The following WFDC1 variants were observed in gnomAD, a reference collection of about 807,000 sequenced individuals.
WFDC1 encodes the protein WAP four-disulfide core domain 1, also known as WAP four-disulfide core domain protein 1.
A neutral mutation model predicts 32.9 loss-of-function variants in WFDC1; 39 were observed. That is an observed-to-expected ratio of 1.19 (90% CI 0.92 to 1.55). The LOEUF (loss-of-function observed/expected upper bound fraction) is 1.55, where lower values mean the gene tolerates loss of function less well. WFDC1 is among the 40% of genes most tolerant of loss of function. The pLI, the probability that WFDC1 is intolerant of heterozygous loss-of-function variation, is 0.00. For missense variants in WFDC1, 386 were observed against 309.5 expected (o/e 1.25, Z -1.85); for synonymous variants, 184 against 137.4 (o/e 1.34, Z -2.37).
At chr16:84,296,717 A>G (rs1210398434) in intron 1 of WFDC1, among the ~76,000 whole-genome samples, 1 of 152,152 alleles carries the variant, frequency 6.6e-6, no homozygotes, top group Non-Finnish European at 1.5e-5. Context: ...TGGAGAAGGG[A>G]AAGCTCATGT....
intron 1 of WFDC1, among the ~76,000 whole-genome samples, chr16:84,307,437 A>G (rs1262525507): frequency 6.6e-6 from 1 of 152,218 alleles, no homozygotes; most frequent in East Asian, 1.9e-4. Context: ...CACGCAGTAA[A>G]TAACTCGGGA....
At chr16:84,319,081 G>C (rs1389334285) in intron 3 of WFDC1, 8 of 338,174 alleles carry the variant, frequency 2.4e-5, no homozygotes, top group Middle Eastern at 1.6e-3. Context: ...CGTCTGACTT[G>C]CTTGTGTAAA....
intron 1 of WFDC1, among the ~76,000 whole-genome samples, chr16:84,299,256 C>T (rs774791427): frequency 8.6e-5 from 13 of 151,968 alleles, no homozygotes; most frequent in East Asian, 1.9e-4. Flanking sequence ...CCCAGCTACT[C>T]GGGAGGCTGA....
chr16:84,309,338 G>A (rs112972971), intron 1 of WFDC1, among the ~76,000 whole-genome samples: 11 of 152,278 alleles, frequency 7.2e-5, no homozygotes, highest in Admixed American at 3.3e-4. Flanking sequence ...ACTTTGTCCC[G>A]AGGGTGCTGG....
chr16:84,302,166 G>A (rs904025293), intron 1 of WFDC1, among the ~76,000 whole-genome samples: 2 of 152,132 alleles, frequency 1.3e-5, no homozygotes, highest in Non-Finnish European at 2.9e-5. Context: ...GGCAAATCCA[G>A]CGGGACGGGA....
At chr16:84,314,157 G>T (rs1412946794) in intron 2 of WFDC1, among the ~76,000 whole-genome samples, 2 of 152,216 alleles carry the variant, frequency 1.3e-5, no homozygotes, top group Non-Finnish European at 2.9e-5. Context: ...GATGTGTGTT[G>T]AATCACGATG....
chr16:84,305,280 G>A (rs753770502), intron 1 of WFDC1, among the ~76,000 whole-genome samples: 5 of 152,214 alleles, frequency 3.3e-5, no homozygotes, highest in African/African-American at 4.8e-5. Context: ...GTGTGCCTCC[G>A]TTTCCTCACC....
At chr16:84,303,193 G>A (rs1310974770) in intron 1 of WFDC1, among the ~76,000 whole-genome samples, 3 of 151,980 alleles carry the variant, frequency 2.0e-5, no homozygotes, top group African/African-American at 4.8e-5. Context: ...GATGTTTGAC[G>A]TCCAAATTCC....
Position 84,295,048 on chromosome 16 carries a change from T to C in WFDC1, c.77T>C (p.Leu26Pro), listed in dbSNP as rs748513259. 3.7e-6 allele frequency: 6 copies of C among 1,614,064 alleles called. No homozygotes were observed. The highest frequency in any genetic ancestry group is 3.4e-6 in the Non-Finnish European group (4 of 1,180,038). Residue 26 changes from leucine to proline, a missense_variant, in exon 1 of 7, where the codon CTC (leucine) becomes CCC (proline). Transcript: ENST00000219454. ...IRALCLLLLL[L>P]HAGSAKNIWK... ...GCTCTGTGCCTCTTGCTACTTCTCC[T>C]CCACGCCGGCTCTGCCAAGAATATC...
rs147462971 is a variant in WFDC1 at position 84,308,584 on chromosome 16, G to A, written c.145-4377G>A. Among the ~76,000 whole-genome samples, 31 of 152,378 alleles carry A rather than the reference G, an allele frequency of 2.0e-4. No homozygotes were observed. In the East Asian group the frequency reaches 4.6e-3, roughly 23 times the overall value. ...GGCCTTCCAGGCAGAGGACCAGCACGTGCCAATGATGATCGGTGGCACTGT... is the reference window on the plus strand; with the variant it reads ...GGCCTTCCAGGCAGAGGACCAGCACATGCCAATGATGATCGGTGGCACTGT... On this transcript the variant is annotated intron_variant, in intron 1 of 6. Transcript: ENST00000219454.
intron 2 of WFDC1, among the ~76,000 whole-genome samples, chr16:84,315,177 TC>T (rs1297295236): frequency 6.6e-6 from 1 of 152,072 alleles, no homozygotes; most frequent in Non-Finnish European, 1.5e-5. Context: ...AGGAATATCC[TC>T]CCCCAGACAT....
intron 1 of WFDC1, among the ~76,000 whole-genome samples, chr16:84,307,032 C>T (rs1009406974): frequency 4.0e-5 from 6 of 151,830 alleles, no homozygotes; most frequent in Middle Eastern, 3.4e-3. Context: ...AGGTGAGAGC[C>T]GGGCAGATAT....
rs1358291144 is a variant in WFDC1, at chr16:84,329,372, G to A, written c.*66G>A. 6.6e-6 allele frequency: 1 copy of A among 151,784 alleles called. No individual in the cohort carries two copies. Among genetic ancestry groups the A allele is most frequent in the Non-Finnish European group, 1.5e-5 (1 of 68,088 alleles). 9.4% of individuals were successfully genotyped at this position (151,784 alleles called of 1,614,324 possible). A position where few individuals can be genotyped will look rare whatever the true frequency, so the allele number is the denominator to read the frequency against. ...TTTCTGCTAAGCCTTGGAAACAGTT[G>A]GGAAAAGTAGTTTGACCCTCACAGT... On this transcript the variant is annotated 3_prime_UTR_variant, in exon 7 of 7. Transcript: ENST00000219454.
intron 2 of WFDC1, chr16:84,315,917 G>A (rs1907920772): frequency 1.3e-5 from 2 of 152,244 alleles, no homozygotes; most frequent in Non-Finnish European, 2.9e-5. Flanking sequence ...GTTCCAGTGA[G>A]GTCATGAAGA....
chr16:84,317,578 A>ATC (rs1908036320), intron 2 of WFDC1: 2 of 152,110 alleles, frequency 1.3e-5, no homozygotes, highest in Non-Finnish European at 2.9e-5. Flanking sequence ...TTTCTGTTAA[A>ATC]ACCAGGTATA....
At chr16:84,319,641 C>A in intron 4 of WFDC1, 70 bp downstream of exon 4, 2 of 1,560,166 alleles carry the variant, frequency 1.3e-6, no homozygotes, top group South Asian at 1.2e-5. Flanking sequence ...GCGCCTCTCA[C>A]CCGCATGGAC....
Position 84,294,931 on chromosome 16 carries a change from C to T in WFDC1, c.-41C>T, listed in dbSNP as rs768962826. On this transcript the variant is annotated 5_prime_UTR_variant, in exon 1 of 7. Transcript: ENST00000219454. ...CAGGCCCACGCAGCGAGGGGGGCCC[C>T]TCTTCTGTGTGCGTCTGGAAGGTCG... is the stretch of plus-strand genomic sequence containing the variant. The T allele has an allele frequency of 5.6e-6, 9 of 1,594,020 alleles. No individual in the cohort carries two copies. The East Asian group carries it at 6.7e-5, about 12-fold the overall frequency.
chr16:84,305,727 C>T (rs975378578), intron 1 of WFDC1, among the ~76,000 whole-genome samples: 2 of 152,134 alleles, frequency 1.3e-5, no homozygotes, highest in Admixed American at 6.6e-5. Flanking sequence ...AGGAGCCAGG[C>T]GTGGTGGCTG....
intron 1 of WFDC1, among the ~76,000 whole-genome samples, chr16:84,306,183 G>A (rs573459103): frequency 2.0e-5 from 3 of 152,196 alleles, no homozygotes; most frequent in East Asian, 1.9e-4. Flanking sequence ...TGCAGATGAC[G>A]CTCAGATACG....
Sources: allele counts gnomAD v4.1 joint callset (sites outside exome capture counted in the v4.1 genomes callset), GRCh38; gene constraint gnomAD v4.1.1; transcripts MANE v1.5; gene names NCBI Gene and HGNC (gene_info 2026-07-23, HGNC 2026-07-21).